Variants in FLNB observed in about 807,000 individuals in gnomAD.
FLNB encodes filamin B.
FLNB carries 111 observed loss-of-function variants against 250.6 expected under a neutral mutation model. That is an observed-to-expected ratio of 0.44 (90% CI 0.38 to 0.52). The LOEUF is 0.52. Among genes scored for constraint, FLNB ranks in the 20% least tolerant of loss-of-function variants. The probability of loss-of-function intolerance (pLI) is 0.00; values close to 1 mark genes in which losing one functional copy is unlikely to be tolerated. For synonymous variants in FLNB, 1,302 were observed against 1,372.1 expected (o/e 0.95, Z 1.13); for missense variants, 2,869 against 3,447.8 (o/e 0.83, Z 4.20).
intron 33 of FLNB, 49 bp downstream of exon 33, chr3:58,146,098 G>GC: frequency 6.2e-7 from 1 of 1,608,502 alleles, no homozygotes; most frequent in Non-Finnish European, 8.5e-7. Context: ...CCATTTGGAG[G>GC]GTGAAGTGGA....
At chr3:58,018,579 G>T (rs144712381) in intron 1 of FLNB, among the ~76,000 whole-genome samples, 25 of 149,314 alleles carry the variant, frequency 1.7e-4, no homozygotes, top group Admixed American at 1.0e-3. Context: ...ACAGTGGCGC[G>T]ATCTTGGCTC....
At chr3:58,013,500 G>A (rs2097101834) in intron 1 of FLNB, among the ~76,000 whole-genome samples, 1 of 152,174 alleles carries the variant, frequency 6.6e-6, no homozygotes, top group African/African-American at 2.4e-5. Flanking sequence ...ATGCCAGCAT[G>A]TCTTTTGGGT....
intron 23 of FLNB, 25 bp from the exon 24 acceptor site, chr3:58,126,577 T>A: frequency 6.2e-7 from 1 of 1,612,356 alleles, no homozygotes; most frequent in Non-Finnish European, 8.5e-7. Context: ...GGTGCACATT[T>A]CACTTTCTTT....
Position 58,109,799 on chromosome 3 carries a change from C to G in FLNB, c.2323+100C>G, listed in dbSNP as rs2107120417. 2.0e-6 allele frequency: 3 copies of G among 1,520,372 alleles called. No individual in the cohort carries two copies. The East Asian group carries it at 6.8e-5, about 34-fold the overall frequency. 94.2% of individuals were successfully genotyped at this position (1,520,372 alleles called of 1,614,324 possible). On this transcript the variant is annotated intron_variant, in intron 15 of 45. Coordinates refer to ENST00000295956, the MANE Select transcript of FLNB (RefSeq NM_001457.4). ...CCTTTTGAACTAGGAAGTAGTCCATCTGAATAGGTAATCATCTACTGAGCC... is the reference window on the plus strand; with the variant it reads ...CCTTTTGAACTAGGAAGTAGTCCATGTGAATAGGTAATCATCTACTGAGCC...
At chr3:58,039,630 G>C (rs556287242) in intron 1 of FLNB, among the ~76,000 whole-genome samples, 1 of 152,294 alleles carries the variant, frequency 6.6e-6, no homozygotes, top group African/African-American at 2.4e-5. Context: ...AACAGAACTA[G>C]CTTTTTTGTG....
At chr3:58,091,477 C>T (rs147114471) in intron 4 of FLNB, among the ~76,000 whole-genome samples, 1 of 151,892 alleles carries the variant, frequency 6.6e-6, no homozygotes, top group Non-Finnish European at 1.5e-5. Flanking sequence ...AATTGAACAT[C>T]CCTAGGCAAA....
In FLNB at chr3:58,026,697, G is replaced by C. The variant is rs189405189; in HGVS notation, c.292+17841G>C. Reference sequence around the variant, plus strand: ...GATAGAAGGAATCTGTCTGTGTCTTGCATGAACCGTGTACTTCCCCCAGTT... The same window carrying C: ...GATAGAAGGAATCTGTCTGTGTCTTCCATGAACCGTGTACTTCCCCCAGTT... On this transcript the variant is annotated intron_variant, in intron 1 of 45. Transcript: ENST00000295956. Among the ~76,000 whole-genome samples the C allele has an allele frequency of 9.2e-5, 14 of 152,248 alleles. No individual in the cohort carries two copies. The East Asian group carries it at 2.7e-3, about 29-fold the overall frequency.
intron 1 of FLNB, among the ~76,000 whole-genome samples, chr3:58,072,849 T>C (rs1213794366): frequency 6.6e-6 from 1 of 152,246 alleles, no homozygotes; most frequent in Non-Finnish European, 1.5e-5. Context: ...AACTGGATCA[T>C]ATTTCCCCCA....
At chr3:58,137,877 TC>T (rs2097319267) in intron 28 of FLNB, among the ~76,000 whole-genome samples, 1 of 152,220 alleles carries the variant, frequency 6.6e-6, no homozygotes, top group South Asian at 2.1e-4. Flanking sequence ...CTTCAGCATT[TC>T]CACTGCAGTT....
intron 4 of FLNB, among the ~76,000 whole-genome samples, chr3:58,087,627 G>A (rs1484625207): frequency 6.8e-6 from 1 of 147,070 alleles, no homozygotes; most frequent in African/African-American, 2.5e-5. Context: ...TAATTTTGTA[G>A]TTTTAGTAGA....
intron 1 of FLNB, among the ~76,000 whole-genome samples, chr3:58,069,648 G>A (rs2097191211): frequency 6.6e-6 from 1 of 152,020 alleles, no homozygotes; most frequent in African/African-American, 2.4e-5. Context: ...AAGACCCTCA[G>A]AGCAACACCA....
Position 58,169,663 on chromosome 3 carries a change from T to C in FLNB, c.7491T>C (p.Ser2497=), listed in dbSNP as rs1294507382. Residue 2497 remains serine, a synonymous_variant, in exon 45 of 46, where the codon TCT becomes TCC. Coordinates refer to ENST00000295956, the MANE Select transcript of FLNB (RefSeq NM_001457.4). The surrounding 1 kb of genome is among the most constrained non-coding windows in gnomAD (Gnocchi z 4.8). ...TGGTGGAGTCAGTGACCAGGTCGTC[T>C]ACAGAGACCTGCTATAGCGCCATTC... ...SILVESVTRS[S]TETCYSAIPK... is the part of the protein sequence containing the mutation. 1.2e-6 allele frequency: 2 copies of C among 1,613,968 alleles called. No homozygotes were observed. The highest frequency in any genetic ancestry group is 1.3e-5 in the African/African-American group (1 of 75,016).
At chr3:58,154,398 A>G (rs113239180) in intron 39 of FLNB, among the ~76,000 whole-genome samples, 4,209 of 152,276 alleles carry the variant, frequency 0.028, 205 homozygotes, top group African/African-American at 0.096. Context: ...AAAAGAAATT[A>G]GCTGGGCATG....
chr3:58,129,942 T>G (rs987126222), intron 24 of FLNB, among the ~76,000 whole-genome samples: 5 of 152,092 alleles, frequency 3.3e-5, no homozygotes, highest in African/African-American at 1.2e-4. Flanking sequence ...AATCACTATC[T>G]CCTCTCCTCG....
At position 58,118,931 on chromosome 3, in the gene FLNB, T is replaced by G. The variant is rs1262988625; in HGVS notation, c.2805T>G (p.Thr935=). The change falls in exon 19 of 46, where the codon ACT becomes ACG. Residue 935 remains threonine, a synonymous_variant. Coordinates refer to ENST00000295956, the MANE Select transcript of FLNB (RefSeq NM_001457.4). The part of the protein sequence containing the change: ...GGDPIPKSPF[T]VGVAAPLDLS... ...ATCCCATCCCTAAAAGCCCTTTCAC[T>G]GTGGGTGTTGCTGCACCGCTGGATC... 4.3e-6 allele frequency: 7 copies of G among 1,614,130 alleles called. No individual in the cohort carries two copies. The highest frequency in any genetic ancestry group is 5.9e-6 in the Non-Finnish European group (7 of 1,179,998).
At chr3:58,159,979 A>G (rs1370700788) in intron 42 of FLNB, among the ~76,000 whole-genome samples, 1 of 152,150 alleles carries the variant, frequency 6.6e-6, no homozygotes, top group Admixed American at 6.5e-5. Context: ...GCTATGATGC[A>G]GTGAGCTATG....
chr3:58,112,840 C>T (rs1013253457), intron 18 of FLNB, among the ~76,000 whole-genome samples: 4 of 152,162 alleles, frequency 2.6e-5, no homozygotes, highest in African/African-American at 7.2e-5. Context: ...GCCAGTTCAG[C>T]CTTTCGTCCC....
Position 58,108,073 on chromosome 3 carries a change from GTCT to G in FLNB, c.1942-383_1942-381del, listed in dbSNP as rs202034731. Among the ~76,000 whole-genome samples, 927 of 152,200 alleles carry G rather than the reference GTCT, an allele frequency of 6.1e-3. 41 individuals carry two copies. The East Asian group carries it at 0.14, about 23-fold the overall frequency. On this transcript the variant is annotated intron_variant, in intron 12 of 45. Transcript: ENST00000295956. ...GGGCCACACTGGAAGGAGAAGAATT[GTCT>G]TGGGCCACACATAAAATACTAATGA...
chr3:58,108,168 T>C (rs2097262843), intron 12 of FLNB, among the ~76,000 whole-genome samples: 1 of 152,196 alleles, frequency 6.6e-6, no homozygotes, highest in Non-Finnish European at 1.5e-5. Flanking sequence ...TTAAGAAAGT[T>C]TACAAATTTG....
Sources: gnomAD v4.1 joint callset for allele counts (sites outside exome capture counted in the v4.1 genomes callset) on GRCh38, gnomAD v4.1.1 for gene constraint, Gnocchi (gnomAD v3.1) non-coding constraint, MANE v1.5 for transcripts, NCBI Gene and HGNC (gene_info 2026-07-23, HGNC 2026-07-21) for gene names.